The following CYP4F2 variants were observed in gnomAD, a reference collection of about 807,000 sequenced individuals.
The protein encoded by CYP4F2 is cytochrome P450 4F2.
CYP4F2 carries 58 observed loss-of-function variants against 58.9 expected under a neutral mutation model. That is an observed-to-expected ratio of 0.98 (90% CI 0.80 to 1.23). The LOEUF (loss-of-function observed/expected upper bound fraction) is 1.23. Among genes scored for constraint, CYP4F2 ranks in the 50% most tolerant of loss-of-function variants. CYP4F2 has a pLI of 0.00. For synonymous variants in CYP4F2, 287 were observed against 261.1 expected, an observed-to-expected ratio of 1.10 and a Z score of -0.95; for missense variants, 616 against 685.6, an observed-to-expected ratio of 0.90 and a Z score of 1.13.
intron 12 of CYP4F2, among the ~76,000 whole-genome samples, 166 bp downstream of exon 12, chr19:15,879,180 A>G (rs2089326899): frequency 1.3e-5 from 2 of 152,120 alleles, no homozygotes; most frequent in Admixed American, 6.5e-5. Context: ...CCCTTCTAGG[A>G]CCAACCCAAC....
intron 9 of CYP4F2, among the ~76,000 whole-genome samples, 186 bp from the exon 10 acceptor site, chr19:15,880,083 A>G (rs1468718876): frequency 6.6e-6 from 1 of 152,236 alleles, no homozygotes; most frequent in African/African-American, 2.4e-5. Context: ...AGACCCATGG[A>G]ACATGAGGGA....
chr19:15,886,204 T>A, intron 8 of CYP4F2, 38 bp downstream of exon 8: 1 of 1,613,486 alleles, frequency 6.2e-7, no homozygotes, highest in Non-Finnish European at 8.5e-7. Context: ...AAGGGAGAGA[T>A]CCCGGTCCCC....
chr19:15,886,370 A>C, intron 7 of CYP4F2, 62 bp from the exon 8 acceptor site: 2 of 1,485,180 alleles, frequency 1.3e-6, no homozygotes, highest in Admixed American at 3.6e-5. Flanking sequence ...ACTAGCTCTA[A>C]GGGCTCTTGA....
In CYP4F2 at chr19:15,895,910, C is replaced by G. The variant is rs1049379515; in HGVS notation, c.199-260G>C. 2.6e-5 allele frequency among the ~76,000 whole-genome samples: 4 copies of G among 152,280 alleles called. No homozygotes were observed. In the East Asian group the frequency reaches 7.7e-4, roughly 29 times the overall value. ...CATCTATTAATAGCCATCTATCCGT[C>G]TAATCTATCCATCATATATATCTAC... On this transcript the variant is annotated intron_variant, in intron 2 of 12. Transcript: ENST00000221700.
chr19:15,879,949 C>A (rs1599347113), intron 9 of CYP4F2, 52 bp from the exon 10 acceptor site: 1 of 1,600,542 alleles, frequency 6.2e-7, no homozygotes, highest in African/African-American at 1.3e-5. Context: ...AGACACAATT[C>A]TCCAGCTTCT....
chr19:15,890,510 G>A (rs2089410364), intron 5 of CYP4F2, 77 bp from the exon 6 acceptor site: 1 of 1,581,502 alleles, frequency 6.3e-7, no homozygotes, highest in Non-Finnish European at 8.6e-7. Flanking sequence ...CTGCCAAGAT[G>A]GGCTCCCCAG....
rs542133071 is a variant in CYP4F2 at position 15,881,323 on chromosome 19, T to C, written c.1116-1426A>G. ...AGAAAAAAATAGCATTAAGACACAC[T>C]GTCGAGTGAAAACAAGTTACAAATA... On this transcript the variant is annotated intron_variant, in intron 9 of 12. Transcript: ENST00000221700. Among the ~76,000 whole-genome samples the C allele has an allele frequency of 1.1e-4, 17 of 152,268 alleles. 1 individual carries two copies. The South Asian group carries it at 3.5e-3, about 32-fold the overall frequency.
At chr19:15,886,098 A>T (rs1462911271) in intron 8 of CYP4F2, 45 bp from the exon 9 acceptor site, 1 of 1,606,938 alleles carries the variant, frequency 6.2e-7, no homozygotes, top group Admixed American at 1.7e-5. Flanking sequence ...CTGCTTCAGC[A>T]CCCGAAGGTA....
In CYP4F2 at chr19:15,879,788, G is replaced by A. The variant is rs200492423; in HGVS notation, c.1225C>T (p.Pro409Ser). 234 of 1,614,152 alleles carry A rather than the reference G, an allele frequency of 1.4e-4. 1 individual carries two copies. The highest frequency in any genetic ancestry group is 1.6e-4 in the East Asian group (7 of 44,862). Residue 409 changes from proline (P) to serine (S), a missense_variant, in exon 10 of 13, where the codon CCA (proline) becomes TCA (serine). Coordinates refer to ENST00000221700, the MANE Select transcript of CYP4F2 (RefSeq NM_001082.5). ...SRHVTQDIVL[P>S]DGRVIPKGII... is the part of the protein sequence containing the mutation. ...CCTTTGGGGATGACCCGGCCGTCTG[G>A]GAGCACAATGTCCTGGGTGACATGG...
chr19:15,891,296 C>T (rs771477835), intron 5 of CYP4F2, among the ~76,000 whole-genome samples: 3 of 152,122 alleles, frequency 2.0e-5, no homozygotes, highest in Non-Finnish European at 4.4e-5. Context: ...CCTGTGTCAG[C>T]CCATGGGATT....
At chr19:15,880,483 C>G (rs903287658) in intron 9 of CYP4F2, among the ~76,000 whole-genome samples, 1 of 151,898 alleles carries the variant, frequency 6.6e-6, no homozygotes, top group African/African-American at 2.4e-5. Context: ...AAAAACTTAG[C>G]GGGGTATGGT....
chr19:15,893,885 G>C (rs1195638730), intron 3 of CYP4F2: 1 of 266,738 alleles, frequency 3.7e-6, no homozygotes, highest in Non-Finnish European at 7.6e-6. Flanking sequence ...TGTGAATCTG[G>C]AGAAAAACAC....
chr19:15,896,068 CT>C (rs1568474498), intron 2 of CYP4F2, among the ~76,000 whole-genome samples: 12 of 140,708 alleles, frequency 8.5e-5, no homozygotes, highest in Non-Finnish European at 1.6e-4. Flanking sequence ...GTCTATCTAT[CT>C]ATCCATCCAT....
At chr19:15,879,197 C>T in intron 12 of CYP4F2, 149 bp downstream of exon 12, 1 of 1,309,904 alleles carries the variant, frequency 7.6e-7, no homozygotes, top group East Asian at 2.3e-5. Context: ...CAACCGTACT[C>T]TATGGACCTT....
intron 9 of CYP4F2, 41 bp downstream of exon 9, chr19:15,885,883 T>C: frequency 6.3e-7 from 1 of 1,595,134 alleles, no homozygotes; most frequent in Non-Finnish European, 8.5e-7. Flanking sequence ...GCAGAGCCAA[T>C]GAGAAGGTCT....
At chr19:15,895,897 G>C (rs1340732194) in intron 2 of CYP4F2, among the ~76,000 whole-genome samples, 1 of 145,464 alleles carries the variant, frequency 6.9e-6, no homozygotes, top group Non-Finnish European at 1.5e-5. Flanking sequence ...TCTATTAATA[G>C]CCATCTATCC....
At chr19:15,881,434 T>G (rs2089343884) in intron 9 of CYP4F2, among the ~76,000 whole-genome samples, 1 of 152,140 alleles carries the variant, frequency 6.6e-6, no homozygotes, top group African/African-American at 2.4e-5. Flanking sequence ...GATAGATTGA[T>G]AGATGACAGA....
chr19:15,886,327 C>CG lies in CYP4F2; in HGVS notation c.919-20_919-19insC. The CG allele has an allele frequency of 7.0e-7, 1 of 1,432,486 alleles. No homozygotes were observed. The highest frequency in any genetic ancestry group is 9.3e-7 in the Non-Finnish European group (1 of 1,076,602). The allele number at this position is 1,432,486 out of a possible 1,614,324, so 88.7% of individuals were successfully genotyped here. On this transcript the variant is annotated intron_variant, in intron 7 of 12. Transcript: ENST00000221700. ...CTTCATCCTGGAGAGAAGGCAGTAACCCCCCCCAACCCCCACCCCCATAAA... is the reference window on the plus strand; with the variant it reads ...CTTCATCCTGGAGAGAAGGCAGTAACGCCCCCCCAACCCCCACCCCCATAAA...
At position 15,896,069 on chromosome 19, in the gene CYP4F2, T is replaced by TCCATCCATCC. The variant is rs1568474499; in HGVS notation, c.199-420_199-419insGGATGGATGG. 7.1e-3 allele frequency among the ~76,000 whole-genome samples: 1,013 copies of TCCATCCATCC among 142,376 alleles called. 14 individuals carry two copies. Among genetic ancestry groups the TCCATCCATCC allele is most frequent in the African/African-American group, 0.025 (914 of 36,058 alleles). 93.4% of individuals were successfully genotyped at this position (142,376 alleles called of 152,430 possible). On this transcript the variant is annotated intron_variant, in intron 2 of 12. Coordinates refer to ENST00000221700, the MANE Select transcript of CYP4F2 (RefSeq NM_001082.5). ...ATGTCCTATTATTTGTCTATCTATCTATCCATCCATCCATCCATCCATCCA... is the reference window on the plus strand; with the variant it reads ...ATGTCCTATTATTTGTCTATCTATCTCCATCCATCCATCCATCCATCCATCCATCCATCCA...
Sources: gnomAD v4.1 joint callset for allele counts (sites outside exome capture counted in the v4.1 genomes callset) on GRCh38, gnomAD v4.1.1 for gene constraint, MANE v1.5 for transcripts, NCBI Gene and HGNC (gene_info 2026-07-23, HGNC 2026-07-21) for gene names.